Variants in HACE1 observed in about 807,000 individuals in gnomAD.
The protein encoded by HACE1 is HECT domain and ankyrin repeat containing E3 ubiquitin protein ligase 1.
HACE1 carries 73 observed loss-of-function variants against 118.4 expected under a neutral mutation model. The observed-to-expected ratio is 0.62, with a 90% CI of 0.51 to 0.75. HACE1 has a LOEUF of 0.75. Ranked by LOEUF, HACE1 falls within the 30% of genes least tolerant of loss-of-function variation. HACE1 has a pLI of 0.00. For missense variants in HACE1, 749 were observed against 1,102.2 expected, an observed-to-expected ratio of 0.68 and a Z score of 4.54; for synonymous variants, 368 against 374.8, an observed-to-expected ratio of 0.98 and a Z score of 0.21.
At chr6:104,840,403 G>C (rs1188998768) in intron 5 of HACE1, among the ~76,000 whole-genome samples, 1 of 152,298 alleles carries the variant, frequency 6.6e-6, no homozygotes, top group Admixed American at 6.5e-5. Context: ...CAGGGCGGGA[G>C]GAGGGGCTGA....
At chr6:104,844,599 C>T (rs535428498) in intron 4 of HACE1, among the ~76,000 whole-genome samples, 3 of 152,072 alleles carry the variant, frequency 2.0e-5, no homozygotes, top group South Asian at 4.2e-4. Context: ...CCCCCACCCC[C>T]CCAAGCCTCC....
At chr6:104,735,429 G>GTCT (rs2114400852) in intron 22 of HACE1, among the ~76,000 whole-genome samples, 1 of 152,150 alleles carries the variant, frequency 6.6e-6, no homozygotes, top group South Asian at 2.1e-4. Context: ...TCAGGAGATC[G>GTCT]AGACCACCCT....
At chr6:104,756,446 T>TACAC (rs1270426579) in intron 19 of HACE1, among the ~76,000 whole-genome samples, 76 of 140,530 alleles carry the variant, frequency 5.4e-4, no homozygotes, top group African/African-American at 1.7e-3. Context: ...TATATATATA[T>TACAC]ACACACACAC....
chr6:104,830,019 T>C (rs1279678154), intron 6 of HACE1, among the ~76,000 whole-genome samples: 1 of 152,236 alleles, frequency 6.6e-6, no homozygotes, highest in Non-Finnish European at 1.5e-5. Context: ...TTCTTGCTTC[T>C]ATACTGGTTC....
chr6:104,847,498 C>A (rs1775772856), intron 4 of HACE1, among the ~76,000 whole-genome samples: 1 of 152,176 alleles, frequency 6.6e-6, no homozygotes, highest in South Asian at 2.1e-4. Context: ...GAACAGTGGA[C>A]AATTAAACTG....
chr6:104,849,650 C>T (rs1330093087), intron 3 of HACE1, among the ~76,000 whole-genome samples: 2 of 32,062 alleles, frequency 6.2e-5, no homozygotes, highest in Non-Finnish European at 1.1e-4. Context: ...GCCTTAAACA[C>T]ATTTTTTTTT....
intron 22 of HACE1, among the ~76,000 whole-genome samples, chr6:104,735,317 T>C (rs1396439218): frequency 3.3e-5 from 5 of 152,068 alleles, no homozygotes; most frequent in Admixed American, 2.0e-4. Flanking sequence ...CAAAAAACTA[T>C]ATAAAATAAA....
At chr6:104,730,071 G>C (rs1775041018) in intron 23 of HACE1, among the ~76,000 whole-genome samples, 1 of 152,146 alleles carries the variant, frequency 6.6e-6, no homozygotes, top group South Asian at 2.1e-4. Context: ...TAACTTTAGT[G>C]ATACTTGAAC....
At chr6:104,831,992 A>AAGAGAGGG (rs1562471497) in intron 6 of HACE1, among the ~76,000 whole-genome samples, 3 of 110,182 alleles carry the variant, frequency 2.7e-5, no homozygotes, top group African/African-American at 1.1e-4. Context: ...GGAAGGAAGG[A>AAGAGAGGG]AGGAAGGAAG....
chr6:104,794,667 G>A (rs1275568387), intron 10 of HACE1, among the ~76,000 whole-genome samples: 1 of 152,242 alleles, frequency 6.6e-6, no homozygotes, highest in Non-Finnish European at 1.5e-5. Context: ...ACTTTGGGAG[G>A]CCGAGATGAG....
chr6:104,743,693 T>C (rs1355919171), intron 22 of HACE1, among the ~76,000 whole-genome samples: 4 of 152,052 alleles, frequency 2.6e-5, no homozygotes, highest in Non-Finnish European at 5.9e-5. Flanking sequence ...CCACAAATTA[T>C]TTTTTAGGCC....
At chr6:104,837,059 G>T (rs1293945463) in intron 5 of HACE1, among the ~76,000 whole-genome samples, 1 of 152,150 alleles carries the variant, frequency 6.6e-6, no homozygotes, top group Non-Finnish European at 1.5e-5. Flanking sequence ...ACACAGTAAA[G>T]ATAACAATTC....
At chr6:104,837,633 CAATTT>C (rs1774675486) in intron 5 of HACE1, among the ~76,000 whole-genome samples, 1 of 152,134 alleles carries the variant, frequency 6.6e-6, no homozygotes, top group South Asian at 2.1e-4. Context: ...AAAAACTGAT[CAATTT>C]GACTTCAAAG....
At position 104,833,067 on chromosome 6, in the gene HACE1, A is replaced by T; in HGVS notation, c.509T>A (p.Val170Asp). Reference sequence around the variant, plus strand: ...CGTCTTGTGACCGTTCTGGCAGGCAACATGCAGTGCTGTCTGCCCCATGGC... The same window carrying T: ...CGTCTTGTGACCGTTCTGGCAGGCATCATGCAGTGCTGTCTGCCCCATGGC... Reference protein sequence around the residue: ...EDAMGQTALHVACQNGHKTTV... With the variant: ...EDAMGQTALHDACQNGHKTTV... The change falls in exon 6 of 24, where the codon GTT becomes GAT. Residue 170 changes from valine to aspartate, a missense_variant. This residue lies in a region of HACE1 where 120 missense variants were observed against 219.1 expected (regional missense o/e 0.55). Coordinates refer to ENST00000262903, the MANE Select transcript of HACE1 (RefSeq NM_020771.4). 1.9e-6 allele frequency: 3 copies of T among 1,612,532 alleles called. No individual in the cohort carries two copies. In the African/African-American group the frequency reaches 4.0e-5, roughly 21 times the overall value.
chr6:104,741,844 C>T (rs1776752444), intron 22 of HACE1, among the ~76,000 whole-genome samples: 1 of 148,440 alleles, frequency 6.7e-6, no homozygotes, highest in African/African-American at 2.5e-5. Flanking sequence ...AAAGAGCCCA[C>T]ATCACCAAGT....
intron 7 of HACE1, among the ~76,000 whole-genome samples, chr6:104,805,107 CTCA>C (rs1770844993): frequency 6.6e-6 from 1 of 152,190 alleles, no homozygotes; most frequent in Non-Finnish European, 1.5e-5. Flanking sequence ...TGAAAAAATG[CTCA>C]TCGTCACTGG....
At chr6:104,766,053 G>A (rs1474077851) in intron 19 of HACE1, among the ~76,000 whole-genome samples, 1 of 152,064 alleles carries the variant, frequency 6.6e-6, no homozygotes, top group Non-Finnish European at 1.5e-5. Flanking sequence ...AGGCCTTTTT[G>A]ACATTCCCAA....
At chr6:104,846,942 T>C (rs1376194344) in intron 4 of HACE1, among the ~76,000 whole-genome samples, 1 of 152,262 alleles carries the variant, frequency 6.6e-6, no homozygotes, top group Non-Finnish European at 1.5e-5. Context: ...GAGAGGGTCA[T>C]GAATTCTTTT....
At chr6:104,844,557 C>A (rs1775453689) in intron 4 of HACE1, among the ~76,000 whole-genome samples, 1 of 151,468 alleles carries the variant, frequency 6.6e-6, no homozygotes, top group African/African-American at 2.4e-5. Flanking sequence ...GTTGGACAGG[C>A]TGGTCTTGAA....
Sources: allele counts gnomAD v4.1 joint callset (sites outside exome capture counted in the v4.1 genomes callset), GRCh38; gene constraint gnomAD v4.1.1; regional missense constraint gnomAD v4.1.1; transcripts MANE v1.5; gene names NCBI Gene and HGNC (gene_info 2026-07-23, HGNC 2026-07-21).